The following DTNA variants were observed in gnomAD, a reference collection of about 807,000 sequenced individuals.
The protein encoded by DTNA is dystrobrevin alpha, also known as dystrophin-related protein 3.
In DTNA, 43 loss-of-function variants were observed where a neutral mutation model predicts 100.7. That is an observed-to-expected ratio of 0.43 (90% CI 0.33 to 0.55). DTNA has a LOEUF of 0.55. DTNA is among the 20% of genes least tolerant of loss of function. The probability of loss-of-function intolerance (pLI) is 0.04; values close to 1 mark genes in which losing one functional copy is unlikely to be tolerated. For synonymous variants in DTNA, 349 were observed against 347.9 expected (o/e 1.00, Z -0.04); for missense variants, 798 against 953.9 (o/e 0.84, Z 2.15).
intron 2 of DTNA, among the ~76,000 whole-genome samples, chr18:34,758,048 A>G (rs921206187): frequency 2.0e-5 from 3 of 152,208 alleles, no homozygotes; most frequent in African/African-American, 7.2e-5. Context: ...TTTCAAAGGG[A>G]GCAATTGATT....
chr18:34,863,382 A>C (rs2096654260), intron 16 of DTNA, among the ~76,000 whole-genome samples: 1 of 152,248 alleles, frequency 6.6e-6, no homozygotes, highest in Non-Finnish European at 1.5e-5. Flanking sequence ...AGTATGTAGA[A>C]ATGCCTTTAT....
intron 1 of DTNA, among the ~76,000 whole-genome samples, chr18:34,642,814 C>T (rs2059440787): frequency 6.6e-6 from 1 of 152,146 alleles, no homozygotes; most frequent in African/African-American, 2.4e-5. Context: ...ACCTCGACCT[C>T]CCAAAGTGCT....
chr18:34,711,619 A>G (rs1600625698), intron 1 of DTNA, among the ~76,000 whole-genome samples: 1 of 152,316 alleles, frequency 6.6e-6, no homozygotes, highest in South Asian at 2.1e-4. Flanking sequence ...ACTAATTAGG[A>G]TAAAAGCCAA....
intron 6 of DTNA, among the ~76,000 whole-genome samples, chr18:34,814,292 T>G (rs1248890014): frequency 6.6e-6 from 1 of 152,152 alleles, no homozygotes; most frequent in Non-Finnish European, 1.5e-5. Context: ...TGAATTTTAG[T>G]TAGTGTATTA....
intron 1 of DTNA, among the ~76,000 whole-genome samples, chr18:34,595,366 T>G (rs908280011): frequency 2.4e-4 from 36 of 151,686 alleles, no homozygotes; most frequent in Admixed American, 4.6e-4. Context: ...GGGATTTGGG[T>G]TTTTTTTCAG....
intron 1 of DTNA, among the ~76,000 whole-genome samples, chr18:34,754,895 T>C (rs558359910): frequency 6.6e-6 from 1 of 152,166 alleles, no homozygotes; most frequent in East Asian, 1.9e-4. Context: ...ATAGACAAAC[T>C]GAGATTTGAA....
intron 11 of DTNA, among the ~76,000 whole-genome samples, chr18:34,834,840 C>T (rs961052519): frequency 2.6e-5 from 4 of 152,192 alleles, no homozygotes; most frequent in African/African-American, 9.6e-5. Flanking sequence ...CAAATTTCAA[C>T]ATGAAGTTTG....
At chr18:34,885,110 A>G (rs934323196) in intron 22 of DTNA, among the ~76,000 whole-genome samples, 18 of 152,138 alleles carry the variant, frequency 1.2e-4, no homozygotes, top group African/African-American at 4.3e-4. Flanking sequence ...ACAATATCGG[A>G]GTTTGTAGCC....
chr18:34,712,358 A>G (rs1358234678), intron 1 of DTNA, among the ~76,000 whole-genome samples: 2 of 152,086 alleles, frequency 1.3e-5, no homozygotes, highest in Admixed American at 6.5e-5. Context: ...TTTAAAATAC[A>G]TGATAAAGTA....
intron 10 of DTNA, 195 bp from the exon 11 acceptor site, chr18:34,829,205 G>C (rs187321671): frequency 6.4e-7 from 1 of 1,574,664 alleles, no homozygotes; most frequent in East Asian, 2.3e-5. Flanking sequence ...AGTCATTTTG[G>C]AATGTTCTCT....
intron 1 of DTNA, among the ~76,000 whole-genome samples, chr18:34,632,311 T>C (rs1170153328): frequency 1.3e-5 from 2 of 152,168 alleles, no homozygotes; most frequent in African/African-American, 4.8e-5. Context: ...TGTTCCCCTA[T>C]GTTAATGGTG....
In DTNA at chr18:34,889,269, G is replaced by C. The variant is rs973555707; in HGVS notation, c.*1535G>C. On this transcript the variant is annotated 3_prime_UTR_variant, in exon 23 of 23. Coordinates refer to ENST00000444659, the MANE Select transcript of DTNA (RefSeq NM_001386795.1). ...TCAAAGTGTGTTCCCCGGACAAGCA[G>C]CATCTGCAACACTTAGGAAGGTCTT... 1 of 984,690 alleles carries C rather than the reference G, an allele frequency of 1.0e-6. No homozygotes were observed. Among genetic ancestry groups the C allele is most frequent in the South Asian group, 4.7e-5 (1 of 21,274 alleles). 61.0% of individuals were successfully genotyped at this position (984,690 alleles called of 1,614,324 possible). A position where few individuals can be genotyped will look rare whatever the true frequency, so the allele number is the denominator to read the frequency against.
chr18:34,595,919 G>C (rs991905767), intron 1 of DTNA, among the ~76,000 whole-genome samples: 17 of 152,264 alleles, frequency 1.1e-4, no homozygotes, highest in African/African-American at 3.6e-4. Context: ...GAGAGGAATG[G>C]TAGGTTCACT....
At chr18:34,781,412 T>C (rs1601909115) in intron 3 of DTNA, among the ~76,000 whole-genome samples, 1 of 152,228 alleles carries the variant, frequency 6.6e-6, no homozygotes, top group African/African-American at 2.4e-5. Context: ...TAAAATCTAA[T>C]CTTTTAGCAA....
Position 34,875,300 on chromosome 18 carries a change from T to G in DTNA, c.1805T>G (p.Met602Arg). The change falls in exon 18 of 23, where the codon ATG becomes AGG. Residue 602 changes from methionine (M) to arginine (R), a missense_variant. By Grantham distance (91) the Met-to-Arg change is moderately conservative. Around this residue, in one of 6 missense-constraint regions of DTNA, gnomAD observed 242 missense variants for 238.2 expected, o/e 1.02. Transcript: ENST00000444659. The part of the protein sequence containing the change: ...PSHTISRPIP[M>R]PIRSASACST... ...CACACCATCAGCAGGCCAATTCCCA[T>G]GCCCATCCGGTCAGCGTCAGCCTGC... 1.2e-6 allele frequency: 2 copies of G among 1,614,168 alleles called. No individual in the cohort carries two copies. Among genetic ancestry groups the G allele is most frequent in the Non-Finnish European group, 1.7e-6 (2 of 1,180,022 alleles).
chr18:34,710,700 G>C (rs1322549730), intron 1 of DTNA, among the ~76,000 whole-genome samples: 1 of 151,478 alleles, frequency 6.6e-6, no homozygotes, highest in Non-Finnish European at 1.5e-5. Context: ...GTGTGTGTGT[G>C]TAAGTCAAAG....
At chr18:34,831,723 G>A (rs903848607) in intron 11 of DTNA, among the ~76,000 whole-genome samples, 3 of 152,160 alleles carry the variant, frequency 2.0e-5, no homozygotes, top group Non-Finnish European at 4.4e-5. Flanking sequence ...AGCCGAGATC[G>A]TGCCATTGCA....
intron 1 of DTNA, among the ~76,000 whole-genome samples, chr18:34,553,902 C>G (rs951880497): frequency 4.6e-5 from 7 of 151,224 alleles, no homozygotes; most frequent in African/African-American, 1.7e-4. Flanking sequence ...TAGTTTTTTC[C>G]AATTCTGTGA....
At chr18:34,782,312 A>G (rs2094355537) in intron 3 of DTNA, among the ~76,000 whole-genome samples, 1 of 152,162 alleles carries the variant, frequency 6.6e-6, no homozygotes, top group Non-Finnish European at 1.5e-5. Flanking sequence ...TTCTGGAGAA[A>G]CTGATGAAAG....
Sources: allele counts gnomAD v4.1 joint callset (sites outside exome capture counted in the v4.1 genomes callset), GRCh38; gene constraint gnomAD v4.1.1; regional missense constraint gnomAD v4.1.1; transcripts MANE v1.5; gene names NCBI Gene and HGNC (gene_info 2026-07-23, HGNC 2026-07-21).